The following SRR variants were observed in gnomAD, a reference collection of about 807,000 sequenced individuals.
The protein encoded by SRR is serine racemase.
A neutral mutation model predicts 32.7 loss-of-function variants in SRR; 19 were observed. The observed-to-expected ratio is 0.58, with a 90% CI of 0.40 to 0.85. The LOEUF is 0.85. Ranked by LOEUF, SRR falls within the 40% of genes least tolerant of loss-of-function variation. The pLI, the probability that SRR is intolerant of heterozygous loss-of-function variation, is 0.00. For missense variants in SRR, 373 were observed against 404.7 expected (o/e 0.92, Z 0.67); for synonymous variants, 142 against 140.9 (o/e 1.01, Z -0.06).
chr17:2,306,861 T>C, intron 1 of SRR: 1 of 849,730 alleles, frequency 1.2e-6, no homozygotes, highest in Non-Finnish European at 2.0e-6. Flanking sequence ...GGAGCCATTC[T>C]GAGCAATGGG....
At chr17:2,304,413 G>A (rs1019382856) in intron 1 of SRR, among the ~76,000 whole-genome samples, 3 of 76,394 alleles carry the variant, frequency 3.9e-5, no homozygotes, top group Non-Finnish European at 8.3e-5. Flanking sequence ...CACCAAGCCC[G>A]GCTAATTTTT....
intron 4 of SRR, 54 bp from the exon 5 acceptor site, chr17:2,321,252 T>C: frequency 1.9e-6 from 3 of 1,594,620 alleles, no homozygotes. Context: ...AAATGGAACT[T>C]GTTGGGGACT....
intron 1 of SRR, among the ~76,000 whole-genome samples, chr17:2,311,181 G>A (rs1465776646): frequency 4.6e-5 from 7 of 151,258 alleles, no homozygotes; most frequent in Non-Finnish European, 7.4e-5. Flanking sequence ...GAGCCACCAC[G>A]CCCAGCCAAC....
chr17:2,312,214 T>TA (rs57198538), intron 1 of SRR, among the ~76,000 whole-genome samples: 37,233 of 119,288 alleles, frequency 0.31, 5,659 homozygotes, highest in Admixed American at 0.39. Context: ...AGACCTTATC[T>TA]AAAAAAAAAA....
intron 1 of SRR, among the ~76,000 whole-genome samples, chr17:2,312,956 C>T (rs1353371547): frequency 6.6e-6 from 1 of 152,090 alleles, no homozygotes; most frequent in African/African-American, 2.4e-5. Flanking sequence ...GAGATAGGGT[C>T]CTGCTTATGT....
chr17:2,322,677 GTT>G (rs11334122), intron 6 of SRR: 32 of 143,874 alleles, frequency 2.2e-4, no homozygotes, highest in Admixed American at 6.9e-4. Flanking sequence ...GTTTTTTTTT[GTT>G]TTTTTTTTTT....
Position 2,321,579 on chromosome 17 carries a change from GA to G in SRR, c.558del (p.Gly187GlufsTer7). The G allele has an allele frequency of 6.2e-7, 1 of 1,614,068 alleles. No homozygotes were observed. Among genetic ancestry groups the G allele is most frequent in the Non-Finnish European group, 8.5e-7 (1 of 1,180,002 alleles). On this transcript the variant is annotated frameshift_variant, in exon 6 of 8. Coordinates refer to ENST00000344595, the MANE Select transcript of SRR (RefSeq NM_021947.3). LOFTEE classifies it high-confidence loss of function. Reference protein sequence around the residue: ...LVDALVVPVGGGGMLAGIAIT... With the variant: ...LVDALVVPVGXGGMLAGIAIT... The stretch of plus-strand genomic sequence containing the variant: ...GATGCACTGGTGGTACCTGTAGGTG[GA>G]GGAGGAATGCTTGCTGGAATAGCAA...
intron 4 of SRR, among the ~76,000 whole-genome samples, chr17:2,319,816 CTCT>C (rs1440925960): frequency 1.4e-4 from 20 of 138,288 alleles, no homozygotes; most frequent in East Asian, 4.6e-4. Flanking sequence ...CAGAACTTGT[CTCT>C]TCTTTTTTTT....
chr17:2,320,616 C>T (rs1019284813), intron 4 of SRR, among the ~76,000 whole-genome samples: 4 of 151,650 alleles, frequency 2.6e-5, no homozygotes, highest in Non-Finnish European at 2.9e-5. Flanking sequence ...GGCTGGAGTG[C>T]GGTAGTTTCT....
At chr17:2,312,421 C>G (rs909261085) in intron 1 of SRR, among the ~76,000 whole-genome samples, 1 of 151,956 alleles carries the variant, frequency 6.6e-6, no homozygotes, top group African/African-American at 2.4e-5. Context: ...CAGTGAAACC[C>G]TGTCTCTACT....
At chr17:2,310,856 C>T in intron 1 of SRR, among the ~76,000 whole-genome samples, 1 of 152,056 alleles carries the variant, frequency 6.6e-6, no homozygotes, top group Non-Finnish European at 1.5e-5. Flanking sequence ...ATGCCATTCT[C>T]CTGCCTCAGC....
chr17:2,322,028 G>A (rs1418808057), intron 6 of SRR, among the ~76,000 whole-genome samples: 7 of 152,156 alleles, frequency 4.6e-5, no homozygotes, highest in African/African-American at 9.7e-5. Flanking sequence ...CGATCCACCC[G>A]CCTTGGCCTC....
intron 6 of SRR, chr17:2,322,873 T>C (rs2075544548): frequency 4.8e-6 from 2 of 417,866 alleles, no homozygotes; most frequent in Admixed American, 7.3e-5. Context: ...CAAGTGATTC[T>C]CCTACCTCAG....
intron 2 of SRR, among the ~76,000 whole-genome samples, chr17:2,317,247 C>T (rs1228769137): frequency 5.8e-5 from 8 of 137,234 alleles, no homozygotes; most frequent in South Asian, 2.4e-4. Flanking sequence ...TGCGGTGGCT[C>T]ACGCCTGTAA....
chr17:2,323,673 T>A lies in SRR; in HGVS notation c.823T>A (p.Trp275Arg), dbSNP rs1161848665. The A allele has an allele frequency of 1.2e-6, 2 of 1,613,980 alleles. No homozygotes were observed. The highest frequency in any genetic ancestry group is 1.7e-6 in the Non-Finnish European group (2 of 1,179,976). ...DEIKCATQLVWERMKLLIEPT... is the reference protein window; with the variant it reads ...DEIKCATQLVRERMKLLIEPT... ...TCAACAGTGTGCAACCCAGCTGGTG[T>A]GGGAGAGGATGAAACTACTCATTGA... The change falls in exon 8 of 8, where the codon TGG becomes AGG. Residue 275 changes from tryptophan to arginine, a missense_variant. Trp to Arg is a moderately radical substitution (Grantham distance 101). Transcript: ENST00000344595.
rs1421111878 is a variant in SRR, at chr17:2,323,705, A to G, written c.855A>G (p.Thr285=). The part of the protein sequence containing the change: ...WERMKLLIEP[T]AGVGVAAVLS... ...GGATGAAACTACTCATTGAACCTAC[A>G]GCTGGTGTTGGAGTGGCTGCTGTGC... is the stretch of plus-strand genomic sequence containing the variant. The change falls in exon 8 of 8, where the codon ACA becomes ACG. Residue 285 remains threonine, a synonymous_variant. Coordinates refer to ENST00000344595, the MANE Select transcript of SRR (RefSeq NM_021947.3). 2.5e-6 allele frequency: 4 copies of G among 1,614,172 alleles called. No homozygotes were observed. The Admixed American group carries it at 6.7e-5, about 27-fold the overall frequency.
intron 2 of SRR, among the ~76,000 whole-genome samples, chr17:2,316,915 CAG>C (rs1377787329): frequency 1.4e-5 from 2 of 138,406 alleles, no homozygotes; most frequent in Non-Finnish European, 3.1e-5. Flanking sequence ...TTAGTAGAGA[CAG>C]GGTTTCACCG....
intron 5 of SRR, 56 bp downstream of exon 5, chr17:2,321,481 CAATT>C: frequency 2.5e-6 from 4 of 1,612,562 alleles, no homozygotes; most frequent in Non-Finnish European, 3.4e-6. Flanking sequence ...GGGCTATATT[CAATT>C]ATTTTATATG....
intron 1 of SRR, among the ~76,000 whole-genome samples, chr17:2,304,816 A>T (rs1438311065): frequency 6.6e-6 from 1 of 152,146 alleles, no homozygotes; most frequent in African/African-American, 2.4e-5. Flanking sequence ...TTCTTGAAAA[A>T]AATTACTGCT....
Sources: gnomAD v4.1 joint callset for allele counts (sites outside exome capture counted in the v4.1 genomes callset) on GRCh38, gnomAD v4.1.1 for gene constraint, MANE v1.5 for transcripts, NCBI Gene and HGNC (gene_info 2026-07-23, HGNC 2026-07-21) for gene names.